Variants in MYO18B observed in about 807,000 individuals in gnomAD.
MYO18B encodes the protein unconventional myosin-XVIIIb.
A neutral mutation model predicts 273.0 loss-of-function variants in MYO18B; 204 were observed. The observed-to-expected ratio is 0.75, with a 90% CI of 0.67 to 0.84. The LOEUF is 0.84. MYO18B is among the 40% of genes least tolerant of loss of function. The pLI is 0.00. For missense variants in MYO18B, 3,212 were observed against 3,287.6 expected (o/e 0.98, Z 0.56); for synonymous variants, 1,330 against 1,305.7 (o/e 1.02, Z -0.40).
intron 39 of MYO18B, among the ~76,000 whole-genome samples, chr22:25,977,562 T>C (rs2093104633): frequency 6.6e-6 from 1 of 152,056 alleles, no homozygotes; most frequent in African/African-American, 2.4e-5. Flanking sequence ...AAGGAAGGAC[T>C]TTGAGGCCCA....
chr22:26,061,666 C>A, the MYO18B span, among the ~76,000 whole-genome samples: 1 of 151,676 alleles, frequency 6.6e-6, no homozygotes, highest in Non-Finnish European at 1.5e-5. Context: ...AGGTCATCTA[C>A]CACCGAGAAA....
At chr22:25,781,996 T>C (rs2087182490) in intron 10 of MYO18B, among the ~76,000 whole-genome samples, 162 bp downstream of exon 10, 2 of 152,246 alleles carry the variant, frequency 1.3e-5, no homozygotes. Context: ...ACGCAGCTCA[T>C]GGGCTGGGTG....
chr22:25,761,161 C>G, intron 2 of MYO18B, 30 bp downstream of exon 2: 1 of 1,611,594 alleles, frequency 6.2e-7, no homozygotes, highest in Non-Finnish European at 8.5e-7. Flanking sequence ...GGGGCTGCAG[C>G]CATCTGCAGG....
intron 11 of MYO18B, among the ~76,000 whole-genome samples, 156 bp downstream of exon 11, chr22:25,785,647 C>T (rs968473322): frequency 2.6e-5 from 4 of 152,040 alleles, no homozygotes; most frequent in Non-Finnish European, 5.9e-5. Flanking sequence ...TTTGTAGGGT[C>T]TCGGCTTATT....
chr22:25,818,786 C>G (rs1029798135), intron 12 of MYO18B, among the ~76,000 whole-genome samples: 1 of 152,110 alleles, frequency 6.6e-6, no homozygotes, highest in African/African-American at 2.4e-5. Flanking sequence ...TTTTGAGCAC[C>G]TTTTCTGGGC....
intron 29 of MYO18B, 186 bp downstream of exon 29, chr22:25,898,647 TC>T: frequency 1.6e-6 from 1 of 627,004 alleles, no homozygotes; most frequent in South Asian, 2.5e-5. Flanking sequence ...AAGAAATTAT[TC>T]TTTTCTCTTA....
chr22:26,059,883 T>C, the MYO18B span, among the ~76,000 whole-genome samples: 1 of 152,202 alleles, frequency 6.6e-6, no homozygotes, highest in East Asian at 1.9e-4. Context: ...AGAAGGTGTA[T>C]GGCACTAGGT....
Position 25,783,324 on chromosome 22 carries a change from C to A in MYO18B, c.2312+1490C>A, listed in dbSNP as rs148442822. Among the ~76,000 whole-genome samples, 680 of 152,354 alleles carry A rather than the reference C, an allele frequency of 4.5e-3. 6 individuals are homozygous for A. The highest frequency in any genetic ancestry group is 0.015 in the African/African-American group (603 of 41,574). ...AAATGGGTTCCTACTAGTGCCAACC[C>A]CGTAGGCATTTAAATGAGATCGCAT... On this transcript the variant is annotated intron_variant, in intron 10 of 43. Coordinates refer to ENST00000335473, the MANE Select transcript of MYO18B (RefSeq NM_032608.7).
At chr22:25,838,955 A>G (rs2089992919) in intron 17 of MYO18B, among the ~76,000 whole-genome samples, 1 of 150,216 alleles carries the variant, frequency 6.7e-6, no homozygotes, top group African/African-American at 2.5e-5. Context: ...GTGTATGTCT[A>G]GTTGTTTGTA....
chr22:25,920,755 A>G (rs1416446791), intron 33 of MYO18B, among the ~76,000 whole-genome samples: 3 of 152,152 alleles, frequency 2.0e-5, no homozygotes, highest in African/African-American at 7.2e-5. Context: ...AAACTCATAA[A>G]ACAACACCCA....
At chr22:25,860,196 G>C (rs1200241913) in intron 21 of MYO18B, among the ~76,000 whole-genome samples, 2 of 152,180 alleles carry the variant, frequency 1.3e-5, no homozygotes, top group South Asian at 4.1e-4. Flanking sequence ...TGGTCTGACT[G>C]TACTAATTAG....
intron 33 of MYO18B, among the ~76,000 whole-genome samples, chr22:25,916,906 C>T (rs975899243): frequency 4.6e-5 from 7 of 152,188 alleles, no homozygotes; most frequent in African/African-American, 1.7e-4. Context: ...GTGGCGGGCA[C>T]CTGTAATCCC....
chr22:26,011,657 C>T (rs1156806837), intron 42 of MYO18B, among the ~76,000 whole-genome samples: 1 of 152,136 alleles, frequency 6.6e-6, no homozygotes, highest in East Asian at 1.9e-4. Flanking sequence ...TGATCAGAGA[C>T]TTTATTTATC....
At chr22:25,839,823 A>T (rs17705165) in intron 17 of MYO18B, among the ~76,000 whole-genome samples, 34,612 of 152,140 alleles carry the variant, frequency 0.23, 4,806 homozygotes, top group Admixed American at 0.3. Flanking sequence ...CAGAGCCCTG[A>T]GCTGGCTTCT....
the MYO18B span, among the ~76,000 whole-genome samples, chr22:26,058,254 C>G: frequency 3.9e-5 from 6 of 152,024 alleles, no homozygotes; most frequent in Non-Finnish European, 7.4e-5. Context: ...TATTGATAAC[C>G]TGCTCACAAA....
intron 37 of MYO18B, among the ~76,000 whole-genome samples, chr22:25,951,769 A>G (rs191485028): frequency 6.6e-6 from 1 of 152,344 alleles, no homozygotes; most frequent in Admixed American, 6.5e-5. Context: ...CAAATGGAAC[A>G]GCAGCAGTGG....
At chr22:26,012,220 G>A (rs754083748) in intron 42 of MYO18B, among the ~76,000 whole-genome samples, 2 of 152,184 alleles carry the variant, frequency 1.3e-5, no homozygotes, top group Non-Finnish European at 1.5e-5. Context: ...GATAAGACTC[G>A]TTTGTAATTA....
At chr22:25,877,912 T>C in intron 24 of MYO18B, 47 bp from the exon 25 acceptor site, 7 of 1,506,956 alleles carry the variant, frequency 4.6e-6, no homozygotes, top group Non-Finnish European at 6.3e-6. Flanking sequence ...AGGTGGAACT[T>C]AATCTCTGGC....
chr22:25,787,225 A>AC (rs2087431283), intron 11 of MYO18B, among the ~76,000 whole-genome samples: 1 of 151,954 alleles, frequency 6.6e-6, no homozygotes, highest in Non-Finnish European at 1.5e-5. Flanking sequence ...AGAAAAAAAA[A>AC]GAAAAAAGAA....
Sources: gnomAD v4.1 joint callset for allele counts (sites outside exome capture counted in the v4.1 genomes callset) on GRCh38, gnomAD v4.1.1 for gene constraint, MANE v1.5 for transcripts, NCBI Gene and HGNC (gene_info 2026-07-23, HGNC 2026-07-21) for gene names.